Variants in LGR6 observed in about 807,000 individuals in gnomAD.
LGR6 encodes leucine rich repeat containing G protein-coupled receptor 6.
Under a neutral mutation model 69.4 loss-of-function variants are expected in LGR6, and 45 were observed. The ratio of observed to expected loss-of-function variants is 0.65; its 90% CI spans 0.51 to 0.83. LGR6 has a LOEUF of 0.83. LGR6 is among the 40% of genes least tolerant of loss of function. The pLI, the probability that LGR6 is intolerant of heterozygous loss-of-function variation, is 0.00. For synonymous variants in LGR6, 538 were observed against 555.0 expected, an observed-to-expected ratio of 0.97 and a Z score of 0.43; for missense variants, 1,108 against 1,246.7, an observed-to-expected ratio of 0.89 and a Z score of 1.68.
At chr1:202,306,569 T>C (rs556889967) in intron 12 of LGR6, among the ~76,000 whole-genome samples, 1 of 152,290 alleles carries the variant, frequency 6.6e-6, no homozygotes, top group Admixed American at 6.5e-5. Flanking sequence ...CCCATGGTGA[T>C]GGGAGGTGTG....
chr1:202,239,182 C>G (rs933043074), intron 4 of LGR6, among the ~76,000 whole-genome samples: 1 of 152,146 alleles, frequency 6.6e-6, no homozygotes, highest in African/African-American at 2.4e-5. Context: ...TGCTGTCTTG[C>G]TGGCGTACGC....
At chr1:202,255,880 A>G (rs1279266407) in intron 4 of LGR6, among the ~76,000 whole-genome samples, 1 of 152,244 alleles carries the variant, frequency 6.6e-6, no homozygotes, top group Non-Finnish European at 1.5e-5. Context: ...TAAATATTTA[A>G]CAATTGAGAT....
In LGR6 at chr1:202,202,953, G is replaced by C. The variant is rs1305851795; in HGVS notation, c.212+8752G>C. Among the ~76,000 whole-genome samples, 2 of 152,134 alleles carry C rather than the reference G, an allele frequency of 1.3e-5. 1 individual carries two copies. Among genetic ancestry groups the C allele is most frequent in the South Asian group, 4.1e-4 (2 of 4,824 alleles). ...GTGTCTTCCATTGCACCAGTGTCAG[G>C]GACTTGGATGTGGTCCCCAGGCCCA... is the stretch of plus-strand genomic sequence containing the variant. On this transcript the variant is annotated intron_variant, in intron 1 of 17. Coordinates refer to ENST00000367278, the MANE Select transcript of LGR6 (RefSeq NM_001017403.2).
At chr1:202,299,237 G>A (rs576603518) in intron 7 of LGR6, among the ~76,000 whole-genome samples, 1 of 148,050 alleles carries the variant, frequency 6.8e-6, no homozygotes, top group East Asian at 2.0e-4. Context: ...TCCAGCCTGG[G>A]TGACAAAGTG....
intron 4 of LGR6, among the ~76,000 whole-genome samples, chr1:202,243,560 A>G (rs1662386943): frequency 6.6e-6 from 1 of 152,184 alleles, no homozygotes; most frequent in Non-Finnish European, 1.5e-5. Flanking sequence ...TATAGCCCCA[A>G]TTTACAGACA....
intron 4 of LGR6, among the ~76,000 whole-genome samples, chr1:202,250,231 G>A (rs1483130018): frequency 1.3e-5 from 2 of 151,998 alleles, no homozygotes; most frequent in African/African-American, 4.8e-5. Flanking sequence ...CCTCCTGAAG[G>A]AGGCCTTTTC....
At chr1:202,196,893 C>T in intron 1 of LGR6, 1 of 401,746 alleles carries the variant, frequency 2.5e-6, no homozygotes, top group East Asian at 7.2e-5. Flanking sequence ...CAATACTTGG[C>T]TGGTTCTGGG....
At chr1:202,214,121 C>G in intron 1 of LGR6, 1 of 1,460,100 alleles carries the variant, frequency 6.8e-7, no homozygotes, top group Non-Finnish European at 9.0e-7. Context: ...GGCACTGGAC[C>G]GCAGAACTGG....
In LGR6 at chr1:202,318,145, C is replaced by G; in HGVS notation, c.1842C>G (p.Ser614=). ...IAGANTLTGI[S]CGLLASVDAL... The stretch of plus-strand genomic sequence containing the variant: ...GCGCCAACACCTTGACTGGCATTTC[C>G]TGTGGCCTTCTAGCCTCAGTCGATG... The change falls in exon 18 of 18, where the codon TCC becomes TCG. Residue 614 remains serine, a synonymous_variant. Coordinates refer to ENST00000367278, the MANE Select transcript of LGR6 (RefSeq NM_001017403.2). 6.2e-7 allele frequency: 1 copy of G among 1,614,102 alleles called. No individual in the cohort carries two copies. Among genetic ancestry groups the G allele is most frequent in the African/African-American group, 1.3e-5 (1 of 75,082 alleles).
At chr1:202,291,792 A>G (rs1666810655) in intron 6 of LGR6, among the ~76,000 whole-genome samples, 1 of 152,316 alleles carries the variant, frequency 6.6e-6, no homozygotes, top group Non-Finnish European at 1.5e-5. Flanking sequence ...AAGGGTTGGC[A>G]TGGCAATTAA....
At chr1:202,235,760 T>A (rs1281410305) in intron 3 of LGR6, among the ~76,000 whole-genome samples, 162 bp from the exon 4 acceptor site, 1 of 152,078 alleles carries the variant, frequency 6.6e-6, no homozygotes, top group African/African-American at 2.4e-5. Context: ...GAATCTGCAC[T>A]AACAAAGCAG....
At chr1:202,213,293 C>T (rs1659533362) in intron 1 of LGR6, among the ~76,000 whole-genome samples, 1 of 152,144 alleles carries the variant, frequency 6.6e-6, no homozygotes, top group Non-Finnish European at 1.5e-5. Flanking sequence ...TTACTTCGTC[C>T]CAGGGCCTGA....
At chr1:202,282,741 C>G (rs1390470758) in intron 6 of LGR6, among the ~76,000 whole-genome samples, 2 of 152,234 alleles carry the variant, frequency 1.3e-5, no homozygotes, top group African/African-American at 4.8e-5. Flanking sequence ...ACTTTTGGGG[C>G]ACACTGCCTA....
chr1:202,272,580 C>T (rs1478555755), intron 4 of LGR6, among the ~76,000 whole-genome samples: 3 of 152,204 alleles, frequency 2.0e-5, no homozygotes, highest in Non-Finnish European at 4.4e-5. Flanking sequence ...GAGGCTCAGC[C>T]CATCCAGCCC....
Position 202,280,660 on chromosome 1 carries a change from C to A in LGR6, c.645-121C>A, listed in dbSNP as rs554722784. The A allele has an allele frequency of 1.3e-4, 113 of 878,810 alleles. No individual in the cohort carries two copies. The East Asian group carries it at 2.7e-3, about 21-fold the overall frequency. 54.4% of individuals were successfully genotyped at this position (878,810 alleles called of 1,614,324 possible). ...TTGTTCCTGGAAACAAACGGATGGA[C>A]CATTAGGGTCATTCTGTCCATGCTT... On this transcript the variant is annotated intron_variant, in intron 5 of 17. Coordinates refer to ENST00000367278, the MANE Select transcript of LGR6 (RefSeq NM_001017403.2).
At position 202,318,962 on chromosome 1, in the gene LGR6, C is replaced by T. The variant is rs140402059; in HGVS notation, c.2659C>T (p.Arg887Trp). The T allele has an allele frequency of 1.4e-4, 232 of 1,613,410 alleles. No individual in the cohort carries two copies. Among genetic ancestry groups the T allele is most frequent in the Non-Finnish European group, 1.7e-4 (201 of 1,179,658 alleles). Residue 887 changes from arginine to tryptophan, a missense_variant, in exon 18 of 18, where the codon CGG becomes TGG. Physicochemically the swap from Arg to Trp is moderately radical, Grantham distance 101. Coordinates refer to ENST00000367278, the MANE Select transcript of LGR6 (RefSeq NM_001017403.2). Reference sequence around the variant, plus strand: ...CATTCTGGAAGCTTCTGAAGCTGGGCGGCCCCCTGGGCTGGAGACCTATGG... The same window carrying T: ...CATTCTGGAAGCTTCTGAAGCTGGGTGGCCCCCTGGGCTGGAGACCTATGG... Reference protein sequence around the residue: ...DLILEASEAGRPPGLETYGFP... With the variant: ...DLILEASEAGWPPGLETYGFP...
chr1:202,215,059 GA>G (rs1659681466), intron 1 of LGR6, among the ~76,000 whole-genome samples: 1 of 146,578 alleles, frequency 6.8e-6, no homozygotes, highest in Non-Finnish European at 1.5e-5. Context: ...GCTGGGTTGG[GA>G]AGGAGGGTGC....
chr1:202,236,715 C>A (rs1285639185), intron 4 of LGR6, among the ~76,000 whole-genome samples: 1 of 152,160 alleles, frequency 6.6e-6, no homozygotes, highest in Non-Finnish European at 1.5e-5. Flanking sequence ...TCAGGTACAA[C>A]TTCATCCGAT....
rs1653514333 is a variant in LGR6, at chr1:202,309,173, T to TGAGGTGAGGGACTGGCTTTCCCCAACACC, written c.1404_1406+26dup. The TGAGGTGAGGGACTGGCTTTCCCCAACACC allele has an allele frequency of 6.2e-7, 1 of 1,613,890 alleles. No homozygotes were observed. Among genetic ancestry groups the TGAGGTGAGGGACTGGCTTTCCCCAACACC allele is most frequent in the African/African-American group, 1.3e-5 (1 of 74,936 alleles). ...TTCTCCAAGGACAGTTTCCCAAAACTGAGGTGAGGGACTGGCTTTCCCCAA... is the reference window on the plus strand; with the variant it reads ...TTCTCCAAGGACAGTTTCCCAAAACTGAGGTGAGGGACTGGCTTTCCCCAACACCGAGGTGAGGGACTGGCTTTCCCCAA... On this transcript the variant is annotated stop_gained and frameshift_variant, in exon 15 of 18. Coordinates refer to ENST00000367278, the MANE Select transcript of LGR6 (RefSeq NM_001017403.2). LOFTEE classifies it high-confidence loss of function.
Sources: gnomAD v4.1 joint callset for allele counts (sites outside exome capture counted in the v4.1 genomes callset) on GRCh38, gnomAD v4.1.1 for gene constraint, MANE v1.5 for transcripts, NCBI Gene and HGNC (gene_info 2026-07-23, HGNC 2026-07-21) for gene names.